The following PSTPIP1 variants were observed in gnomAD, a reference collection of about 807,000 sequenced individuals.
PSTPIP1 encodes the protein proline-serine-threonine phosphatase-interacting protein 1.
PSTPIP1 carries 66 observed loss-of-function variants against 69.6 expected under a neutral mutation model. That is an observed-to-expected ratio of 0.95 (90% CI 0.78 to 1.16). PSTPIP1 has a LOEUF of 1.16. Among genes scored for constraint, PSTPIP1 ranks in the 50% most tolerant of loss-of-function variants. The probability of loss-of-function intolerance (pLI) is 0.00; values close to 1 mark genes in which losing one functional copy is unlikely to be tolerated. For missense variants in PSTPIP1, 603 were observed against 557.4 expected (o/e 1.08, Z -0.82); for synonymous variants, 266 against 222.7 (o/e 1.19, Z -1.73).
At chr15:76,998,173 G>A (rs1359120457) in intron 1 of PSTPIP1, among the ~76,000 whole-genome samples, 1 of 152,342 alleles carries the variant, frequency 6.6e-6, no homozygotes, top group Admixed American at 6.5e-5. Context: ...AAGAGGCAGA[G>A]GTTGCAGTGA....
chr15:77,031,861 C>T (rs1200197305), intron 10 of PSTPIP1: 2 of 186,336 alleles, frequency 1.1e-5, no homozygotes, highest in African/African-American at 2.4e-5. Flanking sequence ...CGCTCCTGTC[C>T]GGGGCTGTGG....
At chr15:77,014,878 G>A (rs1568495508) in intron 1 of PSTPIP1, among the ~76,000 whole-genome samples, 1 of 152,266 alleles carries the variant, frequency 6.6e-6, no homozygotes, top group Non-Finnish European at 1.5e-5. Context: ...CTGGAGTTCT[G>A]GGATGCCGCC....
rs150544547 is a variant in PSTPIP1 at position 77,033,607 on chromosome 15, A to G, written c.929+655A>G. Among the ~76,000 whole-genome samples, 608 of 152,200 alleles carry G rather than the reference A, an allele frequency of 4.0e-3. 2 individuals carry two copies. The highest frequency in any genetic ancestry group is 0.014 in the African/African-American group (587 of 41,534). On this transcript the variant is annotated intron_variant, in intron 12 of 14. Transcript: ENST00000558012. ...GCATCCACAAGGGTCTGTGGGTTTC[A>G]CATGGTGCCTGTGCCCCCACCGCCA...
intron 1 of PSTPIP1, among the ~76,000 whole-genome samples, chr15:77,003,793 G>A (rs2469203): frequency 0.32 from 48,319 of 151,956 alleles, 9,287 homozygotes; most frequent in African/African-American, 0.51. Context: ...TGTCAGGGTC[G>A]TCATCACTTA....
intron 14 of PSTPIP1, among the ~76,000 whole-genome samples, 179 bp from the exon 15 acceptor site, chr15:77,036,866 A>AG (rs1233786719): frequency 7.2e-5 from 11 of 152,096 alleles, no homozygotes; most frequent in Middle Eastern, 3.4e-3. Context: ...TGACAAACTG[A>AG]GGGGGATGGG....
intron 5 of PSTPIP1, among the ~76,000 whole-genome samples, chr15:77,025,832 G>C (rs1347817102): frequency 1.3e-5 from 2 of 152,190 alleles, no homozygotes; most frequent in Non-Finnish European, 2.9e-5. Context: ...CCCCATGGAA[G>C]GTCCTTCCTG....
chr15:77,037,054 G>A lies in PSTPIP1; in HGVS notation c.1129G>A (p.Glu377Lys). 5 of 1,612,148 alleles carry A rather than the reference G, an allele frequency of 3.1e-6. No individual in the cohort carries two copies. Among genetic ancestry groups the A allele is most frequent in the Non-Finnish European group, 4.2e-6 (5 of 1,179,566 alleles). ...LYDYTAQNPD[E>K]LDLSAGDILE... Reference sequence around the variant, plus strand: ...TCAATCTCTTGGCCAGAACCCAGATGAGCTGGACCTGTCCGCGGGAGACAT... The same window carrying A: ...TCAATCTCTTGGCCAGAACCCAGATAAGCTGGACCTGTCCGCGGGAGACAT... Residue 377 changes from glutamate to lysine, a missense_variant, in exon 15 of 15, where the codon GAG (glutamate) becomes AAG (lysine). Transcript: ENST00000558012.
At chr15:77,028,373 A>C (rs1220627831) in intron 6 of PSTPIP1, 181 bp from the exon 7 acceptor site, 1 of 552,180 alleles carries the variant, frequency 1.8e-6, no homozygotes, top group African/African-American at 1.9e-5. Flanking sequence ...GACTACCAGC[A>C]GCCCCCACGC....
chr15:77,030,505 G>A lies in PSTPIP1; in HGVS notation c.566G>A (p.Arg189Gln), dbSNP rs375294517. 138 of 1,612,268 alleles carry A rather than the reference G, an allele frequency of 8.6e-5. No homozygotes were observed. Among genetic ancestry groups the A allele is most frequent in the Non-Finnish European group, 1.1e-4 (125 of 1,179,628 alleles). ...CTGAGGCTGCCTGCGCTTTCAGAGC[G>A]GGTATACAGGCAGAGCATTGCGCAG... Reference protein sequence around the residue: ...QCKDSATEAERVYRQSIAQLE... With the variant: ...QCKDSATEAEQVYRQSIAQLE... Residue 189 changes from arginine (R) to glutamine (Q), a missense_variant, in exon 9 of 15, where the codon CGG (arginine) becomes CAG (glutamine). Transcript: ENST00000558012.
At chr15:77,022,835 C>T (rs1045512429) in intron 3 of PSTPIP1, among the ~76,000 whole-genome samples, 13 of 152,216 alleles carry the variant, frequency 8.5e-5, no homozygotes, top group Admixed American at 2.6e-4. Context: ...GCCCAGGGGA[C>T]AGGAAGAGGG....
In PSTPIP1 at chr15:76,995,148, G is replaced by GCCT. The variant is rs2075544739; in HGVS notation, c.-426_-425insCCT. ...CACAAACCTTCCTGCGCAGGCCTCG[G>GCCT]GCTGCCTGCCTGCCTGCCTGCCTGG... On this transcript the variant is annotated 5_prime_UTR_variant, in exon 1 of 15. Transcript: ENST00000558012. 2 of 1,181,936 alleles carry GCCT rather than the reference G, an allele frequency of 1.7e-6. No homozygotes were observed. Among genetic ancestry groups the GCCT allele is most frequent in the Non-Finnish European group, 2.1e-6 (2 of 940,910 alleles). 73.2% of individuals were successfully genotyped at this position (1,181,936 alleles called of 1,614,324 possible).
At position 77,027,819 on chromosome 15, in the gene PSTPIP1, G is replaced by A. The variant is rs765795513; in HGVS notation, c.355-33G>A. 4 of 1,551,746 alleles carry A rather than the reference G, an allele frequency of 2.6e-6. No individual in the cohort carries two copies. Among genetic ancestry groups the A allele is most frequent in the East Asian group, 4.9e-5 (2 of 40,958 alleles). On this transcript the variant is annotated intron_variant, in intron 5 of 14. Coordinates refer to ENST00000558012, the MANE Select transcript of PSTPIP1 (RefSeq NM_003978.5). The surrounding 1 kb of genome is among the most constrained non-coding windows in gnomAD (Gnocchi z 4.3). Reference sequence around the variant, plus strand: ...GCCTAGGGGAGCCTCCCGAGGCCGCGGCCCTCGGCTCAGAACCTCGTGTCC... The same window carrying A: ...GCCTAGGGGAGCCTCCCGAGGCCGCAGCCCTCGGCTCAGAACCTCGTGTCC...
At chr15:77,011,472 G>A (rs952277090) in intron 1 of PSTPIP1, among the ~76,000 whole-genome samples, 14 of 152,258 alleles carry the variant, frequency 9.2e-5, no homozygotes, top group African/African-American at 3.1e-4. Context: ...CTGGGACTCG[G>A]AGGAGAACTG....
intron 11 of PSTPIP1, 132 bp downstream of exon 11, chr15:77,032,526 A>T: frequency 1.0e-6 from 1 of 973,492 alleles, no homozygotes. Context: ...AAGCCCTAGC[A>T]GGGGTTGTGG....
At position 77,035,902 on chromosome 15, in the gene PSTPIP1, G is replaced by A. The variant is rs528187669; in HGVS notation, c.1086G>A (p.Gln362=). The change falls in exon 14 of 15, where the codon CAG becomes CAA. Residue 362 remains glutamine, a synonymous_variant. Transcript: ENST00000558012. ...EIQGNPASPA[Q]EYRALYDYTA... ...AGGGAAACCCGGCCTCACCAGCCCA[G>A]GAGTACCGGGCGCTCTACGATTATA... is the stretch of plus-strand genomic sequence containing the variant. The A allele has an allele frequency of 4.0e-5, 64 of 1,609,250 alleles. 1 individual carries two copies. The South Asian group carries it at 6.6e-4, about 17-fold the overall frequency.
chr15:77,037,407 A>G lies in PSTPIP1; in HGVS notation c.*231A>G. The G allele has an allele frequency of 2.1e-6, 1 of 467,616 alleles. No homozygotes were observed. The highest frequency in any genetic ancestry group is 2.6e-5 in the South Asian group (1 of 38,198). 29.0% of individuals were successfully genotyped at this position (467,616 alleles called of 1,614,324 possible). ...GTGCTCAGTTCAGAGGAGGCAAAGG[A>G]ACAAGGGAAGGAGCCTGGATGTGGA... On this transcript the variant is annotated 3_prime_UTR_variant, in exon 15 of 15. Coordinates refer to ENST00000558012, the MANE Select transcript of PSTPIP1 (RefSeq NM_003978.5).
At chr15:77,026,113 T>TAG in intron 5 of PSTPIP1, 1 of 456,146 alleles carries the variant, frequency 2.2e-6, no homozygotes, top group South Asian at 1.5e-5. Flanking sequence ...CACCCATATG[T>TAG]AGGGCATGGC....
Position 77,035,004 on chromosome 15 carries a change from C to T in PSTPIP1, c.930-504C>T, listed in dbSNP as rs559460861. 4.1e-4 allele frequency among the ~76,000 whole-genome samples: 63 copies of T among 152,346 alleles called. 2 individuals are homozygous for T. The highest frequency in any genetic ancestry group is 7.6e-4 in the Non-Finnish European group (52 of 68,040). On this transcript the variant is annotated intron_variant, in intron 12 of 14. Coordinates refer to ENST00000558012, the MANE Select transcript of PSTPIP1 (RefSeq NM_003978.5). ...GGGCCCACAGGGAGGAGGGCTGGCT[C>T]GGCCCAGGCAGTGGAGGCCTCAGCA... is the stretch of plus-strand genomic sequence containing the variant.
At chr15:76,995,001 C>A, upstream of PSTPIP1, 1 of 1,186,046 alleles carries the variant, frequency 8.4e-7, no homozygotes, top group Non-Finnish European at 1.1e-6. Flanking sequence ...TGAGCCCGCA[C>A]CTCGGGAGGG....
Sources: gnomAD v4.1 joint callset for allele counts (sites outside exome capture counted in the v4.1 genomes callset) on GRCh38, gnomAD v4.1.1 for gene constraint, Gnocchi (gnomAD v3.1) non-coding constraint, MANE v1.5 for transcripts, NCBI Gene and HGNC (gene_info 2026-07-23, HGNC 2026-07-21) for gene names.